Variants in RUNX1T1 observed in about 807,000 individuals in gnomAD.
RUNX1T1 encodes the protein RUNX1 partner transcriptional co-repressor 1, also known as protein CBFA2T1.
RUNX1T1 carries 4 observed loss-of-function variants against 62.8 expected under a neutral mutation model. The observed-to-expected ratio is 0.06, with a 90% CI of 0.03 to 0.15. The LOEUF is 0.15. RUNX1T1 is among the 10% of genes least tolerant of loss of function. The probability of loss-of-function intolerance (pLI) is 1.00; values close to 1 mark genes in which losing one functional copy is unlikely to be tolerated. For synonymous variants in RUNX1T1, 291 were observed against 286.0 expected, an observed-to-expected ratio of 1.02 and a Z score of -0.18; for missense variants, 508 against 754.3, an observed-to-expected ratio of 0.67 and a Z score of 3.82.
At chr8:91,959,015 T>C (rs1809815562) in exon 11 of RUNX1T1, 1 of 206,682 alleles carries the variant, frequency 4.8e-6, no homozygotes, top group Non-Finnish European at 9.8e-6. Flanking sequence ...AAAAGCAGCA[T>C]AGAAAGATAC....
At chr8:92,045,557 T>G (rs930397608) in intron 1 of RUNX1T1, among the ~76,000 whole-genome samples, 10 of 152,168 alleles carry the variant, frequency 6.6e-5, no homozygotes, top group African/African-American at 2.4e-4. Flanking sequence ...CACTCTCACC[T>G]TTTCTCCCAA....
intron 1 of RUNX1T1, among the ~76,000 whole-genome samples, chr8:92,085,643 G>C (rs117739325): frequency 0.025 from 3,772 of 151,990 alleles, 63 homozygotes; most frequent in Non-Finnish European, 0.04. Context: ...CTCCAAATAT[G>C]GTTAAAGTTC....
At chr8:92,095,173 TAA>T in intron 1 of RUNX1T1, 1 of 1,535,294 alleles carries the variant, frequency 6.5e-7, no homozygotes, top group Non-Finnish European at 8.7e-7. Context: ...CTCCGCCAGC[TAA>T]GAGGAGCGAC....
chr8:92,086,595 C>T (rs976567932), intron 1 of RUNX1T1, among the ~76,000 whole-genome samples: 3 of 152,266 alleles, frequency 2.0e-5, no homozygotes, highest in African/African-American at 4.8e-5. Context: ...GCCCTGGGAC[C>T]GAGGTCTGCA....
intron 2 of RUNX1T1, among the ~76,000 whole-genome samples, chr8:92,068,001 G>T (rs1833126330): frequency 6.6e-6 from 1 of 152,090 alleles, no homozygotes. Flanking sequence ...GTTAAAGGTA[G>T]ATTCCTACAT....
At chr8:92,017,229 T>C in exon 2 of RUNX1T1, 4 of 1,599,306 alleles carry the variant, frequency 2.5e-6, no homozygotes, top group Non-Finnish European at 3.4e-6. Context: ...TACTTACACG[T>C]TGTCGGTGTA....
chr8:91,991,686 T>C (rs1044587782), exon 6 of RUNX1T1: 5 of 1,614,108 alleles, frequency 3.1e-6, no homozygotes, highest in East Asian at 2.2e-5. Context: ...GGGGTGTCGA[T>C]AGGAGTCCCT....
exon 1 of RUNX1T1, chr8:92,062,860 C>T (rs527946405): frequency 7.2e-7 from 1 of 1,395,262 alleles, no homozygotes; most frequent in East Asian, 2.7e-5. Context: ...TATCACAACC[C>T]CTACCCTCCC....
chr8:91,970,520 A>T, intron 10 of RUNX1T1, 138 bp downstream of exon 11: 1 of 721,900 alleles, frequency 1.4e-6, no homozygotes, highest in Non-Finnish European at 2.0e-6. Flanking sequence ...GGCAAATTTC[A>T]TGAATACCTT....
intron 1 of RUNX1T1, among the ~76,000 whole-genome samples, chr8:92,096,236 C>T (rs1428377951): frequency 6.6e-6 from 1 of 152,198 alleles, no homozygotes; most frequent in Non-Finnish European, 1.5e-5. Flanking sequence ...CCTGCTCCAC[C>T]TCCAGAAATT....
At chr8:92,028,836 G>A (rs1312373687) in intron 1 of RUNX1T1, among the ~76,000 whole-genome samples, 2 of 152,074 alleles carry the variant, frequency 1.3e-5, no homozygotes, top group African/African-American at 4.8e-5. Context: ...TTAACATTTT[G>A]TTGTCAAACT....
chr8:91,972,028 C>A (rs1022649330), intron 9 of RUNX1T1, among the ~76,000 whole-genome samples: 1 of 152,044 alleles, frequency 6.6e-6, no homozygotes, highest in African/African-American at 2.4e-5. Flanking sequence ...AACCTAGTAC[C>A]AATTAACACT....
At chr8:92,067,242 A>G (rs1044242833), upstream of RUNX1T1, among the ~76,000 whole-genome samples, 1 of 152,210 alleles carries the variant, frequency 6.6e-6, no homozygotes, top group Non-Finnish European at 1.5e-5. Context: ...GACGCGGAAA[A>G]GCTTTACTGC....
At chr8:91,980,038 T>G (rs1212228431) in intron 8 of RUNX1T1, 1 of 279,020 alleles carries the variant, frequency 3.6e-6, no homozygotes, top group Non-Finnish European at 7.3e-6. Flanking sequence ...CACTTGTTTT[T>G]AAGGATAATA....
In RUNX1T1 at chr8:91,969,901, A is replaced by G. The variant is rs75225350; in HGVS notation, c.1458+757T>C. Among the ~76,000 whole-genome samples the G allele has an allele frequency of 9.2e-3, 1,396 of 152,232 alleles. 11 individuals are homozygous for G. Among genetic ancestry groups the G allele is most frequent in the Admixed American group, 0.015 (228 of 15,284 alleles). On this transcript the variant is annotated intron_variant, in intron 10 of 10. Transcript: ENST00000396218. ...CTCTGGGGTTAAGGATCGTGATGCT[A>G]TATTAATTAACGTGGAGCATTACTA...
In RUNX1T1 at chr8:92,034,480, G is replaced by T. The variant is rs557743882; in HGVS notation, c.8-17117C>A. 2.0e-5 allele frequency among the ~76,000 whole-genome samples: 3 copies of T among 152,160 alleles called. No individual in the cohort carries two copies. In the South Asian group the frequency reaches 6.2e-4, roughly 32 times the overall value. On this transcript the variant is annotated intron_variant, in intron 1 of 10. Transcript: ENST00000396218. ...TTTGAACAGCCTGTGACTTATATTA[G>T]CAAATTCTTTACATATAATTATATT...
chr8:92,097,974 A>T (rs1202394959), intron 1 of RUNX1T1, among the ~76,000 whole-genome samples: 1 of 152,252 alleles, frequency 6.6e-6, no homozygotes, highest in Non-Finnish European at 1.5e-5. Flanking sequence ...CAGCTGTCTT[A>T]AAGTCCAGGC....
intron 2 of RUNX1T1, among the ~76,000 whole-genome samples, chr8:92,073,377 C>G (rs992626629): frequency 1.3e-5 from 2 of 152,058 alleles, no homozygotes; most frequent in Non-Finnish European, 2.9e-5. Flanking sequence ...CCTCCTGCCC[C>G]CCAGCCTCTG....
chr8:91,956,508 C>G (rs1809413411), downstream of RUNX1T1: 1 of 222,666 alleles, frequency 4.5e-6, no homozygotes, highest in African/African-American at 2.2e-5. Flanking sequence ...AGATTTTTTT[C>G]AACTTTTTTA....
Sources: allele counts gnomAD v4.1 joint callset (sites outside exome capture counted in the v4.1 genomes callset), GRCh38; gene constraint gnomAD v4.1.1; transcripts MANE v1.5; gene names NCBI Gene and HGNC (gene_info 2026-07-23, HGNC 2026-07-21).